CAMK1D: variants seen among roughly 807,000 people sequenced by gnomAD.
CAMK1D encodes the protein calcium/calmodulin-dependent protein kinase type 1D.
A neutral mutation model predicts 47.7 loss-of-function variants in CAMK1D; 9 were observed. That is an observed-to-expected ratio of 0.19 (90% CI 0.11 to 0.33). The LOEUF is 0.33. Ranked by LOEUF, CAMK1D falls within the 10% of genes least tolerant of loss-of-function variation. The pLI, the probability that CAMK1D is intolerant of heterozygous loss-of-function variation, is 1.00. For synonymous variants in CAMK1D, 184 were observed against 184.9 expected, an observed-to-expected ratio of 0.99 and a Z score of 0.04; for missense variants, 291 against 488.7, an observed-to-expected ratio of 0.60 and a Z score of 3.81.
At chr10:12,523,250 C>T (rs1188664284) in intron 1 of CAMK1D, among the ~76,000 whole-genome samples, 1 of 151,180 alleles carries the variant, frequency 6.6e-6, no homozygotes, top group Non-Finnish European at 1.5e-5. Flanking sequence ...AGGCGCTCCT[C>T]ACTTCCCAGA....
At chr10:12,689,402 C>A (rs1481851871) in intron 3 of CAMK1D, among the ~76,000 whole-genome samples, 8 of 152,204 alleles carry the variant, frequency 5.3e-5, no homozygotes, top group Admixed American at 5.2e-4. Context: ...CACCCTCATC[C>A]CACATTTAAA....
intron 3 of CAMK1D, among the ~76,000 whole-genome samples, chr10:12,674,399 A>G (rs893797944): frequency 2.6e-5 from 4 of 152,154 alleles, no homozygotes; most frequent in African/African-American, 9.7e-5. Context: ...TGTGCCTCGG[A>G]AAGTTTTAGT....
intron 2 of CAMK1D, among the ~76,000 whole-genome samples, chr10:12,649,695 G>C (rs560025684): frequency 6.6e-6 from 1 of 152,178 alleles, no homozygotes; most frequent in African/African-American, 2.4e-5. Flanking sequence ...TTGGTGAAAA[G>C]AATAATGAAG....
chr10:12,732,670 G>GCCCCCC lies in CAMK1D; in HGVS notation c.300-28275_300-28270dup, dbSNP rs367919756. 2.0e-3 allele frequency among the ~76,000 whole-genome samples: 142 copies of GCCCCCC among 71,734 alleles called. 1 individual carries two copies. Among genetic ancestry groups the GCCCCCC allele is most frequent in the African/African-American group, 5.6e-3 (126 of 22,314 alleles). The allele number at this position is 71,734 out of a possible 152,430, so 47.1% of individuals were successfully genotyped here. A position where few individuals can be genotyped will look rare whatever the true frequency, so the allele number is the denominator to read the frequency against. On this transcript the variant is annotated intron_variant, in intron 3 of 10. Coordinates refer to ENST00000619168, the MANE Select transcript of CAMK1D (RefSeq NM_153498.4). ...GGGCCCCCATTATTCAATTACCCCCGCCCCCCCCGCCCCCTGTCCCTCCCA... is the reference window on the plus strand; with the variant it reads ...GGGCCCCCATTATTCAATTACCCCCGCCCCCCCCCCCCCCGCCCCCTGTCCCTCCCA...
At chr10:12,638,443 C>T (rs894198725) in intron 2 of CAMK1D, among the ~76,000 whole-genome samples, 15 of 152,204 alleles carry the variant, frequency 9.9e-5, no homozygotes, top group Admixed American at 6.5e-4. Context: ...TCTACCACCT[C>T]GGGCCTTTTA....
At chr10:12,751,881 C>T (rs983787177) in intron 3 of CAMK1D, among the ~76,000 whole-genome samples, 5 of 151,730 alleles carry the variant, frequency 3.3e-5, no homozygotes, top group Admixed American at 3.3e-4. Context: ...GAGACTTCAC[C>T]AACAAAGGCA....
intron 2 of CAMK1D, among the ~76,000 whole-genome samples, chr10:12,637,138 ATTG>A (rs1839533069): frequency 2.0e-5 from 3 of 151,970 alleles, no homozygotes; most frequent in South Asian, 2.1e-4. Flanking sequence ...TGCCCGGCTA[ATTG>A]TTGTATTTTT....
intron 1 of CAMK1D, among the ~76,000 whole-genome samples, chr10:12,382,965 A>G (rs867272102): frequency 2.0e-5 from 3 of 150,680 alleles, no homozygotes; most frequent in Middle Eastern, 6.8e-3. Context: ...TAGTTGGCAC[A>G]TGGAAGAGAA....
rs149361582 is a variant in CAMK1D, at chr10:12,760,093, G to A, written c.300-855G>A. 1.6e-4 allele frequency among the ~76,000 whole-genome samples: 25 copies of A among 152,250 alleles called. No homozygotes were observed. In the East Asian group the frequency reaches 4.4e-3, roughly 27 times the overall value. On this transcript the variant is annotated intron_variant, in intron 3 of 10. Transcript: ENST00000619168. The stretch of plus-strand genomic sequence containing the variant: ...TGAGATGATTTGGAGAACACTAGTT[G>A]AGTTGTTTGTATTCTGGCTTGTACA...
intron 1 of CAMK1D, among the ~76,000 whole-genome samples, chr10:12,378,814 C>CT (rs11291856): frequency 3.2e-4 from 39 of 122,830 alleles, no homozygotes; most frequent in East Asian, 2.1e-3. Flanking sequence ...TTTTTCTTTT[C>CT]TTTTTTTTTT....
intron 6 of CAMK1D, among the ~76,000 whole-genome samples, chr10:12,803,463 C>T (rs1374281859): frequency 6.6e-6 from 1 of 152,136 alleles, no homozygotes; most frequent in Non-Finnish European, 1.5e-5. Context: ...GGGCAGGTCA[C>T]TTGAGGTCAG....
At position 12,694,088 on chromosome 10, in the gene CAMK1D, A is replaced by ATATATATTT. The variant is rs1554811558; in HGVS notation, c.299+27286_299+27287insTTATATATT. On this transcript the variant is annotated intron_variant, in intron 3 of 10. Coordinates refer to ENST00000619168, the MANE Select transcript of CAMK1D (RefSeq NM_153498.4). ...TAATATATAAAAAATATTATGTATA[A>ATATATATTT]TATATATTATATAATATATAATATA... Among the ~76,000 whole-genome samples the ATATATATTT allele has an allele frequency of 2.7e-3, 59 of 21,780 alleles. 6 individuals are homozygous for ATATATATTT. Among genetic ancestry groups the ATATATATTT allele is most frequent in the African/African-American group, 9.8e-3 (59 of 6,040 alleles). 14.3% of individuals were successfully genotyped at this position (21,780 alleles called of 152,430 possible).
chr10:12,487,478 C>T (rs771868783), intron 1 of CAMK1D, among the ~76,000 whole-genome samples: 1 of 152,224 alleles, frequency 6.6e-6, no homozygotes, highest in Admixed American at 6.5e-5. Flanking sequence ...TAACAGCTAA[C>T]ATGGACCTGG....
At chr10:12,703,309 G>A (rs1027858776) in intron 3 of CAMK1D, among the ~76,000 whole-genome samples, 4 of 152,198 alleles carry the variant, frequency 2.6e-5, no homozygotes, top group African/African-American at 4.8e-5. Flanking sequence ...ACAGAATGGA[G>A]TCGGGTGAAA....
intron 1 of CAMK1D, among the ~76,000 whole-genome samples, chr10:12,383,695 G>A (rs1838408512): frequency 6.6e-6 from 1 of 152,186 alleles, no homozygotes; most frequent in African/African-American, 2.4e-5. Flanking sequence ...GGACATAACA[G>A]CAAAATAACC....
intron 1 of CAMK1D, among the ~76,000 whole-genome samples, chr10:12,365,256 A>G (rs781055921): frequency 4.0e-5 from 6 of 151,582 alleles, no homozygotes; most frequent in South Asian, 2.1e-4. Flanking sequence ...AAGCCGGCCT[A>G]TCCTCTCTGA....
chr10:12,787,740 G>A (rs1397384565), intron 5 of CAMK1D, among the ~76,000 whole-genome samples: 2 of 152,202 alleles, frequency 1.3e-5, no homozygotes, highest in African/African-American at 2.4e-5. Flanking sequence ...GGTGGCTCAC[G>A]CCTGTAATCC....
Position 12,829,732 on chromosome 10 carries a change from CAAA to C in CAMK1D, c.*860_*862del, listed in dbSNP as rs33936519. The C allele has an allele frequency of 2.4e-5, 3 of 126,016 alleles. No homozygotes were observed. The highest frequency in any genetic ancestry group is 3.4e-5 in the Non-Finnish European group (2 of 59,012). 7.8% of individuals were successfully genotyped at this position (126,016 alleles called of 1,614,324 possible). ...TGGGTGACAGAGCAAGACTCTGTCT[CAAA>C]AAAAAAAAAAAAAATTCTAACAAGA... On this transcript the variant is annotated 3_prime_UTR_variant, in exon 11 of 11. Coordinates refer to ENST00000619168, the MANE Select transcript of CAMK1D (RefSeq NM_153498.4).
At chr10:12,577,071 T>C (rs1164540034) in intron 2 of CAMK1D, among the ~76,000 whole-genome samples, 1 of 152,218 alleles carries the variant, frequency 6.6e-6, no homozygotes, top group South Asian at 2.1e-4. Flanking sequence ...CCTTTGTTAA[T>C]ATGTGCCAGG....
Sources: allele counts gnomAD v4.1 joint callset (sites outside exome capture counted in the v4.1 genomes callset), GRCh38; gene constraint gnomAD v4.1.1; transcripts MANE v1.5; gene names NCBI Gene and HGNC (gene_info 2026-07-23, HGNC 2026-07-21).